Variants in LRBA observed in about 807,000 individuals in gnomAD.
LRBA encodes the protein lipopolysaccharide-responsive and beige-like anchor protein.
Under a neutral mutation model 330.0 loss-of-function variants are expected in LRBA, and 176 were observed. That is an observed-to-expected ratio of 0.53 (90% CI 0.47 to 0.60). The LOEUF (loss-of-function observed/expected upper bound fraction) is 0.60, where lower values mean the gene tolerates loss of function less well. Ranked by LOEUF, LRBA falls within the 20% of genes least tolerant of loss-of-function variation. LRBA has a pLI of 0.00. For synonymous variants in LRBA, 1,230 were observed against 1,193.0 expected, an observed-to-expected ratio of 1.03 and a Z score of -0.64; for missense variants, 3,259 against 3,444.8, an observed-to-expected ratio of 0.95 and a Z score of 1.35.
At chr4:151,008,989 ATAT>A (rs1259829399) in intron 2 of LRBA, among the ~76,000 whole-genome samples, 1 of 6,452 alleles carries the variant, frequency 1.5e-4, no homozygotes, top group Non-Finnish European at 2.9e-4. Flanking sequence ...AAAAAAAAAA[ATAT>A]ATATATATAT....
At chr4:150,645,784 G>A (rs1248349618) in intron 37 of LRBA, among the ~76,000 whole-genome samples, 9 of 151,692 alleles carry the variant, frequency 5.9e-5, no homozygotes, top group Admixed American at 5.9e-4. Context: ...TTTAAAAGAT[G>A]AAATCCATAA....
At chr4:150,841,886 G>A (rs753275559) in intron 28 of LRBA, among the ~76,000 whole-genome samples, 11 of 152,042 alleles carry the variant, frequency 7.2e-5, no homozygotes, top group Non-Finnish European at 1.3e-4. Context: ...TCCATCTCCT[G>A]GCCTTGTGAT....
chr4:150,391,282 C>G (rs2151908741), intron 47 of LRBA, among the ~76,000 whole-genome samples: 1 of 152,288 alleles, frequency 6.6e-6, no homozygotes, highest in Non-Finnish European at 1.5e-5. Flanking sequence ...TCAATTTGCT[C>G]TAATTCCTTG....
chr4:150,346,587 C>T (rs957056391), intron 48 of LRBA, among the ~76,000 whole-genome samples: 6 of 151,192 alleles, frequency 4.0e-5, no homozygotes, highest in Non-Finnish European at 5.9e-5. Context: ...TGGTAAAACC[C>T]GTCTCTACTA....
intron 17 of LRBA, among the ~76,000 whole-genome samples, chr4:150,887,604 T>A (rs934734746): frequency 1.3e-5 from 2 of 151,492 alleles, no homozygotes. Context: ...CTGTCTCTAC[T>A]AAAAATACAA....
chr4:150,274,152 A>T (rs1746472068), intron 56 of LRBA, among the ~76,000 whole-genome samples: 2 of 152,192 alleles, frequency 1.3e-5, no homozygotes, highest in Non-Finnish European at 2.9e-5. Flanking sequence ...GGATTAAGAC[A>T]CTCACTCAAA....
At chr4:150,610,193 G>C (rs527505914) in intron 37 of LRBA, among the ~76,000 whole-genome samples, 3 of 152,270 alleles carry the variant, frequency 2.0e-5, no homozygotes, top group African/African-American at 7.2e-5. Context: ...TGAAGGTCCA[G>C]CTGAGTTTGG....
At chr4:150,280,896 C>T (rs1747414214) in intron 55 of LRBA, among the ~76,000 whole-genome samples, 1 of 152,128 alleles carries the variant, frequency 6.6e-6, no homozygotes, top group Admixed American at 6.5e-5. Context: ...ACAGTTGCCA[C>T]TTGCAAGTTA....
chr4:150,849,135 T>C (rs1390086573), intron 25 of LRBA, 137 bp from the exon 26 acceptor site: 3 of 627,258 alleles, frequency 4.8e-6, no homozygotes, highest in African/African-American at 3.7e-5. Context: ...TTTATACTTA[T>C]TATTTCATCT....
At chr4:150,491,556 T>C (rs1038680646) in intron 40 of LRBA, among the ~76,000 whole-genome samples, 3 of 152,108 alleles carry the variant, frequency 2.0e-5, no homozygotes, top group Non-Finnish European at 4.4e-5. Flanking sequence ...CAGTCACTCA[T>C]TCAGAAAGCA....
At chr4:150,750,088 T>C (rs1192190259) in intron 35 of LRBA, among the ~76,000 whole-genome samples, 1 of 152,216 alleles carries the variant, frequency 6.6e-6, no homozygotes, top group South Asian at 2.1e-4. Flanking sequence ...TCATTCAAAC[T>C]GTTTCCCCTT....
chr4:150,481,255 T>C (rs1757263992), intron 42 of LRBA, among the ~76,000 whole-genome samples: 1 of 152,106 alleles, frequency 6.6e-6, no homozygotes, highest in Non-Finnish European at 1.5e-5. Context: ...TGAACACCAC[T>C]GATTCCATCT....
intron 22 of LRBA, among the ~76,000 whole-genome samples, chr4:150,865,989 T>TCTTA (rs771004224): frequency 1.3e-5 from 2 of 152,238 alleles, no homozygotes; most frequent in Non-Finnish European, 2.9e-5. Flanking sequence ...GTGCTGGGAT[T>TCTTA]ACAGGCGTGA....
In LRBA at chr4:150,844,214, A is replaced by ATAT; in HGVS notation, c.4462-8_4462-7insATA. 1 of 1,446,894 alleles carries ATAT rather than the reference A, an allele frequency of 6.9e-7. No homozygotes were observed. The highest frequency in any genetic ancestry group is 9.6e-7 in the Non-Finnish European group (1 of 1,041,422). 89.6% of individuals were successfully genotyped at this position (1,446,894 alleles called of 1,614,324 possible). ...TCACAATGTCCACTGGGCTCTATTT[A>ATAT]AGATTAAAAAAAAATTGTATATATA... On this transcript the variant is annotated splice_region_variant and splice_polypyrimidine_tract_variant and intron_variant, in intron 27 of 56. Transcript: ENST00000651943.
chr4:150,428,084 T>C, intron 46 of LRBA, among the ~76,000 whole-genome samples: 1 of 152,066 alleles, frequency 6.6e-6, no homozygotes, highest in East Asian at 1.9e-4. Flanking sequence ...GCATATGTAA[T>C]TTAAAACTTT....
At chr4:150,794,915 C>T (rs1405199369) in intron 34 of LRBA, among the ~76,000 whole-genome samples, 2 of 152,102 alleles carry the variant, frequency 1.3e-5, no homozygotes, top group Non-Finnish European at 2.9e-5. Context: ...ATTTATCTGA[C>T]AGCCCTCTCC....
chr4:150,462,754 G>A (rs552628245), intron 44 of LRBA, among the ~76,000 whole-genome samples: 105 of 151,820 alleles, frequency 6.9e-4, no homozygotes, highest in African/African-American at 2.2e-3. Flanking sequence ...ACTTAAGAAC[G>A]GAGATAAGAT....
intron 47 of LRBA, among the ~76,000 whole-genome samples, chr4:150,400,110 C>A (rs558981009): frequency 6.6e-6 from 1 of 152,172 alleles, no homozygotes; most frequent in East Asian, 1.9e-4. Context: ...TTCAGTGTTA[C>A]TGGACTATAG....
At chr4:150,883,465 A>G (rs1373133621) in intron 17 of LRBA, among the ~76,000 whole-genome samples, 1 of 152,182 alleles carries the variant, frequency 6.6e-6, no homozygotes, top group Admixed American at 6.5e-5. Context: ...GTCTCAAAAA[A>G]CAAAAAAATT....
Sources: allele counts gnomAD v4.1 joint callset (sites outside exome capture counted in the v4.1 genomes callset), GRCh38; gene constraint gnomAD v4.1.1; transcripts MANE v1.5; gene names NCBI Gene and HGNC (gene_info 2026-07-23, HGNC 2026-07-21).